Variants in ZNF680 observed in about 807,000 individuals in gnomAD.
The protein encoded by ZNF680 is hypothetical protein FLJ90430.
In ZNF680, 6 loss-of-function variants were observed where a neutral mutation model predicts 12.1. That is an observed-to-expected ratio of 0.49 (90% CI 0.27 to 0.98). ZNF680 has a LOEUF of 0.98. ZNF680 is among the 50% of genes least tolerant of loss of function. The pLI, the probability that ZNF680 is intolerant of heterozygous loss-of-function variation, is 0.12. For missense variants in ZNF680, 561 were observed against 616.3 expected (o/e 0.91, Z 0.95); for synonymous variants, 170 against 199.3 (o/e 0.85, Z 1.24).
intron 3 of ZNF680, among the ~76,000 whole-genome samples, chr7:64,538,005 T>A (rs1786268585): frequency 6.6e-6 from 1 of 152,058 alleles, no homozygotes; most frequent in Non-Finnish European, 1.5e-5. Flanking sequence ...GATCAAATGA[T>A]CTTTCACTAA....
At chr7:64,507,416 A>AT in the ZNF680 span, among the ~76,000 whole-genome samples, 3 of 152,330 alleles carry the variant, frequency 2.0e-5, no homozygotes, top group African/African-American at 7.2e-5. Context: ...GTAAACAACA[A>AT]TATACTGTGT....
At chr7:64,510,170 A>C in the ZNF680 span, among the ~76,000 whole-genome samples, 1 of 151,932 alleles carries the variant, frequency 6.6e-6, no homozygotes, top group Admixed American at 6.6e-5. Context: ...CCCAATTAAA[A>C]TAAAACAATG....
chr7:64,542,823 TG>T (rs1786578591), intron 3 of ZNF680, among the ~76,000 whole-genome samples: 1 of 152,128 alleles, frequency 6.6e-6, no homozygotes, highest in Non-Finnish European at 1.5e-5. Flanking sequence ...CTCAGCCTTT[TG>T]GGTAGCTGGG....
At chr7:64,527,237 T>C (rs1240994902) in intron 3 of ZNF680, among the ~76,000 whole-genome samples, 1 of 151,690 alleles carries the variant, frequency 6.6e-6, no homozygotes, top group African/African-American at 2.4e-5. Context: ...AGATTCTGTC[T>C]CAAATAAATA....
intron 3 of ZNF680, chr7:64,524,608 T>C (rs556636990): frequency 2.6e-5 from 4 of 152,312 alleles, no homozygotes; most frequent in Middle Eastern, 3.4e-3. Context: ...TGCTTCACTT[T>C]CTGTAATAAA....
chr7:64,531,596 CAAAAAAAA>C (rs34791051), intron 3 of ZNF680, among the ~76,000 whole-genome samples: 1 of 95,306 alleles, frequency 1.0e-5, no homozygotes, highest in African/African-American at 3.9e-5. Context: ...GACTCCGTCT[CAAAAAAAA>C]AAAAAAAAAA....
chr7:64,503,240 T>C, the ZNF680 span, among the ~76,000 whole-genome samples: 1 of 149,182 alleles, frequency 6.7e-6, no homozygotes, highest in African/African-American at 2.5e-5. Context: ...CATGACTTAG[T>C]CTCTAATGAG....
chr7:64,521,605 G>T lies in ZNF680; in HGVS notation c.1149C>A (p.Cys383Ter), dbSNP rs367620407. 6.2e-7 allele frequency: 1 copy of T among 1,601,004 alleles called. No individual in the cohort carries two copies. Among genetic ancestry groups the T allele is most frequent in the East Asian group, 2.3e-5 (1 of 44,332 alleles). ...TTGAGGACTGTATAAAAGCTTTGCC[G>T]CATTCTTCACATTTGTAGGATTTCT... is the stretch of plus-strand genomic sequence containing the variant. ...TGEKSYKCEE[C>*]GKAFIQSSNL... Residue 383 changes from cysteine (C) to a stop codon, truncating the protein, a stop_gained, in exon 4 of 4, where the codon TGC (cysteine) becomes TGA (stop). Coordinates refer to ENST00000309683, the MANE Select transcript of ZNF680 (RefSeq NM_178558.5). LOFTEE classifies it low-confidence loss of function (END_TRUNC).
the ZNF680 span, among the ~76,000 whole-genome samples, chr7:64,514,393 A>G: frequency 7.0e-6 from 1 of 143,042 alleles, no homozygotes. Flanking sequence ...TTCTTTGTCA[A>G]TTGTGCTGCT....
At chr7:64,529,008 A>C (rs534550061) in intron 3 of ZNF680, among the ~76,000 whole-genome samples, 1 of 152,338 alleles carries the variant, frequency 6.6e-6, no homozygotes, top group East Asian at 1.9e-4. Flanking sequence ...AACTCCGGGC[A>C]GACAACCCTT....
intron 3 of ZNF680, among the ~76,000 whole-genome samples, chr7:64,523,837 C>T (rs544751493): frequency 1.3e-5 from 2 of 151,258 alleles, no homozygotes; most frequent in South Asian, 4.2e-4. Context: ...GGTGTGAACC[C>T]AAGAGGCGGA....
At chr7:64,561,657 G>A (rs981981468) in intron 1 of ZNF680, among the ~76,000 whole-genome samples, 5 of 152,140 alleles carry the variant, frequency 3.3e-5, no homozygotes, top group Non-Finnish European at 5.9e-5. Flanking sequence ...CACTAGGGCC[G>A]GGCGCGGTGG....
At chr7:64,561,675 C>T (rs1787742400) in intron 1 of ZNF680, among the ~76,000 whole-genome samples, 1 of 152,196 alleles carries the variant, frequency 6.6e-6, no homozygotes, top group Admixed American at 6.5e-5. Context: ...TGGCTGACGC[C>T]TGTAATCCCA....
At chr7:64,506,193 ATTTTTTT>A in the ZNF680 span, among the ~76,000 whole-genome samples, 8 of 105,552 alleles carry the variant, frequency 7.6e-5, no homozygotes, top group East Asian at 1.9e-3. Flanking sequence ...AGTCTTTTAG[ATTTTTTT>A]TTTTTTTTTT....
chr7:64,531,426 C>G (rs1785871649), intron 3 of ZNF680, among the ~76,000 whole-genome samples: 1 of 151,456 alleles, frequency 6.6e-6, no homozygotes, highest in African/African-American at 2.4e-5. Context: ...AAACCCCGTC[C>G]CTACTAAAAA....
chr7:64,507,723 T>C, the ZNF680 span, among the ~76,000 whole-genome samples: 90 of 152,022 alleles, frequency 5.9e-4, no homozygotes, highest in Admixed American at 1.8e-3. Flanking sequence ...TGATTTGCCA[T>C]TTAAAAATAC....
intron 3 of ZNF680, chr7:64,526,551 T>C: frequency 2.2e-6 from 1 of 450,696 alleles, no homozygotes; most frequent in Non-Finnish European, 3.8e-6. Flanking sequence ...CTAAAATGAG[T>C]CCATTATTTA....
chr7:64,504,338 TATTCACGTGC>T, the ZNF680 span, among the ~76,000 whole-genome samples: 3 of 152,220 alleles, frequency 2.0e-5, no homozygotes, highest in Non-Finnish European at 4.4e-5. Flanking sequence ...GTTTGGGTGG[TATTCACGTGC>T]CAAACACTGT....
At chr7:64,532,091 G>A (rs770779983) in intron 3 of ZNF680, among the ~76,000 whole-genome samples, 6 of 152,130 alleles carry the variant, frequency 3.9e-5, no homozygotes, top group Non-Finnish European at 7.4e-5. Flanking sequence ...AGATTACAAG[G>A]TCAGGCGACT....
Sources: allele counts gnomAD v4.1 joint callset (sites outside exome capture counted in the v4.1 genomes callset), GRCh38; gene constraint gnomAD v4.1.1; transcripts MANE v1.5; gene names NCBI Gene and HGNC (gene_info 2026-07-23, HGNC 2026-07-21).